The following PHACTR1 variants were observed in gnomAD, a reference collection of about 807,000 sequenced individuals.
PHACTR1 encodes phosphatase and actin regulator 1.
In PHACTR1, 16 loss-of-function variants were observed where a neutral mutation model predicts 69.2. The observed-to-expected ratio is 0.23, with a 90% CI of 0.16 to 0.35. The LOEUF is 0.35. Among genes scored for constraint, PHACTR1 ranks in the 10% least tolerant of loss-of-function variants. The pLI is 1.00. For missense variants in PHACTR1, 510 were observed against 734.7 expected, an observed-to-expected ratio of 0.69 and a Z score of 3.54; for synonymous variants, 312 against 284.5, an observed-to-expected ratio of 1.10 and a Z score of -0.97.
chr6:13,122,585 T>C (rs1300995621), intron 5 of PHACTR1, among the ~76,000 whole-genome samples: 1 of 152,236 alleles, frequency 6.6e-6, no homozygotes, highest in African/African-American at 2.4e-5. Context: ...AGAATTTTAG[T>C]GACAGTTGTT....
intron 5 of PHACTR1, among the ~76,000 whole-genome samples, chr6:13,104,812 A>G (rs1815815815): frequency 6.6e-6 from 1 of 152,234 alleles, no homozygotes; most frequent in African/African-American, 2.4e-5. Context: ...GGTATTGGCT[A>G]TGCAAAGATA....
At chr6:13,285,503 CT>C (rs943987840) in intron 13 of PHACTR1, among the ~76,000 whole-genome samples, 1 of 152,210 alleles carries the variant, frequency 6.6e-6, no homozygotes, top group African/African-American at 2.4e-5. Context: ...TCCTCCTCCC[CT>C]GCTCTCTCAT....
chr6:13,050,055 G>C (rs1805681744), intron 4 of PHACTR1, among the ~76,000 whole-genome samples: 1 of 152,210 alleles, frequency 6.6e-6, no homozygotes, highest in South Asian at 2.1e-4. Context: ...CTGGACTATG[G>C]TGACTTTGCT....
chr6:13,077,081 T>C (rs1436074461), intron 5 of PHACTR1, among the ~76,000 whole-genome samples: 1 of 135,096 alleles, frequency 7.4e-6, no homozygotes, highest in South Asian at 2.3e-4. Context: ...CCCTAAAACT[T>C]AAAGTATAAT....
At chr6:12,825,113 C>CCA (rs879563582) in intron 4 of PHACTR1, among the ~76,000 whole-genome samples, 37 of 150,764 alleles carry the variant, frequency 2.5e-4, no homozygotes, top group African/African-American at 3.2e-4. Context: ...ACTCCCATCT[C>CCA]CACACACACA....
At chr6:12,867,668 A>G (rs562937623) in intron 4 of PHACTR1, among the ~76,000 whole-genome samples, 2 of 152,374 alleles carry the variant, frequency 1.3e-5, no homozygotes, top group South Asian at 4.1e-4. Flanking sequence ...CCTAATACAT[A>G]GCAGCACTTC....
chr6:12,763,215 AAACAACAAC>A (rs71701647), intron 4 of PHACTR1, among the ~76,000 whole-genome samples: 2,308 of 150,080 alleles, frequency 0.015, 30 homozygotes, highest in African/African-American at 0.037. Context: ...TCCGTCTCAA[AAACAACAAC>A]AACAACAACA....
intron 4 of PHACTR1, among the ~76,000 whole-genome samples, chr6:12,752,369 A>G (rs1306150516): frequency 2.6e-5 from 4 of 152,246 alleles, no homozygotes; most frequent in East Asian, 1.9e-4. Context: ...GGGCATAGAG[A>G]TAATTTTGTT....
At chr6:13,185,101 C>G in intron 7 of PHACTR1, 1 of 995,246 alleles carries the variant, frequency 1.0e-6, no homozygotes, top group Non-Finnish European at 1.3e-6. Flanking sequence ...GAAGGCAGCT[C>G]TCTGGGGAGG....
At chr6:12,775,980 G>A (rs9472514) in intron 4 of PHACTR1, among the ~76,000 whole-genome samples, 10,646 of 152,244 alleles carry the variant, frequency 0.07, 469 homozygotes, top group Admixed American at 0.1. Context: ...AATGGTGAAC[G>A]ATGTAGTCAT....
chr6:13,068,402 T>C (rs531303515), intron 5 of PHACTR1, among the ~76,000 whole-genome samples: 1 of 152,328 alleles, frequency 6.6e-6, no homozygotes, highest in South Asian at 2.1e-4. Flanking sequence ...GCTCTTAGAA[T>C]AGTACTTTGC....
At chr6:12,828,934 G>T (rs898215616) in intron 4 of PHACTR1, among the ~76,000 whole-genome samples, 1 of 152,086 alleles carries the variant, frequency 6.6e-6, no homozygotes, top group African/African-American at 2.4e-5. Flanking sequence ...ACAATTTATT[G>T]TATATGTTCA....
chr6:12,841,675 A>T (rs1407998789), intron 4 of PHACTR1, among the ~76,000 whole-genome samples: 1 of 152,232 alleles, frequency 6.6e-6, no homozygotes, highest in African/African-American at 2.4e-5. Context: ...CTATCTAGCT[A>T]TCAAAAAGGG....
At chr6:13,181,640 G>A (rs1027558297) in intron 6 of PHACTR1, among the ~76,000 whole-genome samples, 9 of 152,224 alleles carry the variant, frequency 5.9e-5, no homozygotes, top group African/African-American at 9.6e-5. Context: ...ACTACGTGGC[G>A]TGATTGGTGG....
chr6:13,010,133 A>C (rs779708324), intron 4 of PHACTR1, among the ~76,000 whole-genome samples: 1 of 151,284 alleles, frequency 6.6e-6, no homozygotes, highest in Non-Finnish European at 1.5e-5. Context: ...CTTTCCTATT[A>C]ATTTTTTTTT....
At chr6:12,768,394 G>A (rs934364688) in intron 4 of PHACTR1, among the ~76,000 whole-genome samples, 1 of 152,096 alleles carries the variant, frequency 6.6e-6, no homozygotes, top group African/African-American at 2.4e-5. Context: ...GATTACAGGC[G>A]TGAGCCACCG....
intron 3 of PHACTR1, among the ~76,000 whole-genome samples, chr6:12,721,381 C>CA (rs11453186): frequency 0.14 from 20,472 of 143,028 alleles, 2,027 homozygotes; most frequent in African/African-American, 0.29. Flanking sequence ...GAGATTCTGT[C>CA]AAAAAAAAAA....
At chr6:13,004,203 C>A (rs1255960725) in intron 4 of PHACTR1, among the ~76,000 whole-genome samples, 1 of 151,578 alleles carries the variant, frequency 6.6e-6, no homozygotes, top group Non-Finnish European at 1.5e-5. Flanking sequence ...CATCTGTTTT[C>A]CATAGAGGTT....
chr6:13,241,427 G>A (rs974741685), intron 10 of PHACTR1, among the ~76,000 whole-genome samples: 4 of 152,156 alleles, frequency 2.6e-5, no homozygotes, highest in Admixed American at 6.6e-5. Context: ...GGTGGGAGGT[G>A]GCGTGCAGGA....
Sources: gnomAD v4.1 joint callset for allele counts (sites outside exome capture counted in the v4.1 genomes callset) on GRCh38, gnomAD v4.1.1 for gene constraint, MANE v1.5 for transcripts, NCBI Gene and HGNC (gene_info 2026-07-23, HGNC 2026-07-21) for gene names.